Variants in VPS13A observed in about 807,000 individuals in gnomAD.
VPS13A encodes intermembrane lipid transfer protein VPS13A.
VPS13A carries 264 observed loss-of-function variants against 390.9 expected under a neutral mutation model. That is an observed-to-expected ratio of 0.68 (90% CI 0.61 to 0.75). The LOEUF is 0.75. Ranked by LOEUF, VPS13A falls within the 30% of genes least tolerant of loss-of-function variation. The pLI is 0.00. For missense variants in VPS13A, 3,409 were observed against 3,733.9 expected (o/e 0.91, Z 2.27); for synonymous variants, 1,231 against 1,227.1 (o/e 1.00, Z -0.07).
intron 44 of VPS13A, 122 bp downstream of exon 44, chr9:77,321,868 A>G (rs1357525025): frequency 8.3e-7 from 1 of 1,206,906 alleles, no homozygotes; most frequent in Admixed American, 2.4e-5. Context: ...GTTTTTTTAA[A>G]ATATCCTTTC....
At chr9:77,245,659 C>T (rs1824764832) in intron 19 of VPS13A, among the ~76,000 whole-genome samples, 1 of 152,120 alleles carries the variant, frequency 6.6e-6, no homozygotes, top group African/African-American at 2.4e-5. Flanking sequence ...CCTCTCTCTA[C>T]TAGAGTCTTG....
intron 52 of VPS13A, among the ~76,000 whole-genome samples, chr9:77,346,005 A>T (rs1385159962): frequency 6.6e-6 from 1 of 152,118 alleles, no homozygotes; most frequent in Non-Finnish European, 1.5e-5. Flanking sequence ...TTTTAATATA[A>T]TGACTTCTCT....
chr9:77,364,223 C>T (rs935954106), intron 59 of VPS13A, among the ~76,000 whole-genome samples: 15 of 151,884 alleles, frequency 9.9e-5, no homozygotes, highest in African/African-American at 3.1e-4. Flanking sequence ...GTCAGGAGTT[C>T]GAGACCACCC....
At chr9:77,237,479 C>T (rs1473951643) in intron 17 of VPS13A, among the ~76,000 whole-genome samples, 1 of 152,088 alleles carries the variant, frequency 6.6e-6, no homozygotes, top group Non-Finnish European at 1.5e-5. Flanking sequence ...ATTTTCCTGC[C>T]TCAGCCTCCC....
chr9:77,273,603 G>T (rs989414383), intron 24 of VPS13A, among the ~76,000 whole-genome samples: 1 of 152,100 alleles, frequency 6.6e-6, no homozygotes, highest in Non-Finnish European at 1.5e-5. Context: ...AACTCAAGGT[G>T]GTGATTAAAA....
At chr9:77,364,471 C>T (rs1490420994) in intron 59 of VPS13A, among the ~76,000 whole-genome samples, 1 of 152,004 alleles carries the variant, frequency 6.6e-6, no homozygotes, top group Non-Finnish European at 1.5e-5. Flanking sequence ...GAAGCCCCCG[C>T]CTCACAGTTG....
intron 67 of VPS13A, among the ~76,000 whole-genome samples, chr9:77,376,105 G>A (rs1013081974): frequency 6.6e-6 from 1 of 152,112 alleles, no homozygotes; most frequent in East Asian, 1.9e-4. Flanking sequence ...AGTAAAGGGT[G>A]AGCCATGTGA....
chr9:77,327,392 A>G (rs1439813575), intron 45 of VPS13A, among the ~76,000 whole-genome samples: 2 of 152,152 alleles, frequency 1.3e-5, no homozygotes, highest in Non-Finnish European at 2.9e-5. Context: ...TACAGGTACT[A>G]TGTGTAGAAA....
chr9:77,324,893 C>A (rs7026058), intron 45 of VPS13A, among the ~76,000 whole-genome samples: 30,349 of 151,600 alleles, frequency 0.2, 3,206 homozygotes, highest in Middle Eastern at 0.26. Context: ...ATTAAAGCAG[C>A]AGTACCCAAC....
chr9:77,261,688 G>A (rs369625668), intron 23 of VPS13A, among the ~76,000 whole-genome samples: 6 of 151,824 alleles, frequency 4.0e-5, no homozygotes, highest in Admixed American at 6.6e-5. Flanking sequence ...AGGTTCAAGC[G>A]GTTGTCCCAT....
chr9:77,333,220 A>G (rs1466188002), intron 46 of VPS13A, among the ~76,000 whole-genome samples: 3 of 152,096 alleles, frequency 2.0e-5, no homozygotes, highest in African/African-American at 7.2e-5. Context: ...CATTTCTGCT[A>G]TATATTTTGT....
At position 77,295,542 on chromosome 9, in the gene VPS13A, G is replaced by A. The variant is rs1417769918; in HGVS notation, c.3508G>A (p.Ala1170Thr). ...FVTKFLYSIL[A>T]FIDNFQAAKQ... ...AGAATATAATTCTGTTATCTTACAG[G>A]CTTTTATAGATAATTTTCAGGCAGC... The change falls in exon 33 of 72, where the codon GCT becomes ACT. Residue 1170 changes from alanine (A) to threonine (T), a missense_variant and splice_region_variant. This residue lies in a region of VPS13A where 2,717 missense variants were observed against 2,917.4 expected (regional missense o/e 0.93). Transcript: ENST00000360280. 4 of 1,603,690 alleles carry A rather than the reference G, an allele frequency of 2.5e-6. No homozygotes were observed. Among genetic ancestry groups the A allele is most frequent in the Non-Finnish European group, 3.4e-6 (4 of 1,173,402 alleles).
At chr9:77,207,138 C>G (rs1334150440) in intron 5 of VPS13A, among the ~76,000 whole-genome samples, 1 of 141,114 alleles carries the variant, frequency 7.1e-6, no homozygotes, top group Non-Finnish European at 1.5e-5. Context: ...AAAAAACCAA[C>G]TGTTCCTGGC....
At chr9:77,330,004 C>T (rs1427610332) in intron 45 of VPS13A, among the ~76,000 whole-genome samples, 3 of 152,100 alleles carry the variant, frequency 2.0e-5, no homozygotes, top group African/African-American at 4.8e-5. Flanking sequence ...ACCTGCAACA[C>T]GCTTCTGTTT....
At position 77,380,504 on chromosome 9, in the gene VPS13A, G is replaced by T. The variant is rs570687653; in HGVS notation, c.9078-1472G>T. On this transcript the variant is annotated intron_variant, in intron 67 of 71. Transcript: ENST00000360280. Reference sequence around the variant, plus strand: ...TTTTTGTATTTTTAGTAGAGACAGGGTTTCACCATATTGGCCAGGCTGATC... The same window carrying T: ...TTTTTGTATTTTTAGTAGAGACAGGTTTTCACCATATTGGCCAGGCTGATC... Among the ~76,000 whole-genome samples, 5 of 151,866 alleles carry T rather than the reference G, an allele frequency of 3.3e-5. No individual in the cohort carries two copies. The East Asian group carries it at 9.7e-4, about 29-fold the overall frequency.
chr9:77,212,980 A>G lies in VPS13A; in HGVS notation c.567A>G (p.Gln189=). The change falls in exon 8 of 72, where the codon CAA becomes CAG. Residue 189 remains glutamine, a synonymous_variant. Coordinates refer to ENST00000360280, the MANE Select transcript of VPS13A (RefSeq NM_033305.3). ...LQNLSMQTTD[Q]YWVPCLHDET... ...TTTTTCCTTTTCAGACAACTGATCA[A>G]TACTGGGTTCCATGTTTACATGATG... is the stretch of plus-strand genomic sequence containing the variant. 2 of 1,614,028 alleles carry G rather than the reference A, an allele frequency of 1.2e-6. No individual in the cohort carries two copies. The highest frequency in any genetic ancestry group is 1.7e-6 in the Non-Finnish European group (2 of 1,179,980).
chr9:77,307,557 A>G (rs1828829069), intron 34 of VPS13A, among the ~76,000 whole-genome samples: 1 of 152,182 alleles, frequency 6.6e-6, no homozygotes, highest in Non-Finnish European at 1.5e-5. Flanking sequence ...TGAACTCTAA[A>G]ATTTTTGGTA....
At chr9:77,226,095 G>T in intron 14 of VPS13A, 107 bp downstream of exon 14, 1 of 1,064,714 alleles carries the variant, frequency 9.4e-7, no homozygotes. Flanking sequence ...CCAAAAAGTG[G>T]TTCAATTTGC....
chr9:77,323,487 T>C (rs1182534202), intron 45 of VPS13A, among the ~76,000 whole-genome samples: 2 of 152,124 alleles, frequency 1.3e-5, no homozygotes, highest in African/African-American at 4.8e-5. Flanking sequence ...TAAATAGTCA[T>C]CAGTGTTTTG....
Sources: gnomAD v4.1 joint callset for allele counts (sites outside exome capture counted in the v4.1 genomes callset) on GRCh38, gnomAD v4.1.1 for gene constraint, gnomAD v4.1.1 regional missense constraint, MANE v1.5 for transcripts, NCBI Gene and HGNC (gene_info 2026-07-23, HGNC 2026-07-21) for gene names.